The following CCNY variants were observed in gnomAD, a reference collection of about 807,000 sequenced individuals.
CCNY encodes cyclin Y.
In CCNY, 19 loss-of-function variants were observed where a neutral mutation model predicts 42.8. That is an observed-to-expected ratio of 0.44 (90% confidence interval 0.31 to 0.65). The LOEUF (loss-of-function observed/expected upper bound fraction) is 0.65, where lower values mean the gene tolerates loss of function less well. Among genes scored for constraint, CCNY ranks in the 30% least tolerant of loss-of-function variants. CCNY has a pLI of 0.07. For synonymous variants in CCNY, 165 were observed against 162.7 expected, an observed-to-expected ratio of 1.01 and a Z score of -0.11; for missense variants, 370 against 437.3, an observed-to-expected ratio of 0.85 and a Z score of 1.37.
At chr10:35,545,643 C>G (rs1050067468) in intron 7 of CCNY, among the ~76,000 whole-genome samples, 2 of 152,114 alleles carry the variant, frequency 1.3e-5, no homozygotes, top group African/African-American at 4.8e-5. Flanking sequence ...GGGGTTAGGA[C>G]TTCAACATAT....
chr10:35,298,006 G>GA lies in CCNY; in HGVS notation c.-9+47393dup, dbSNP rs56705492. ...GAAAAAACTATTTAGAAGTTCTTATGAAAAAAAAAAAAAGAGCCTGAATAG... is the reference window on the plus strand; with the variant it reads ...GAAAAAACTATTTAGAAGTTCTTATGAAAAAAAAAAAAAAGAGCCTGAATAG... On this transcript the variant is annotated intron_variant, in intron 3 of 11. Transcript: ENST00000374706. 2.8e-3 allele frequency among the ~76,000 whole-genome samples: 364 copies of GA among 128,736 alleles called. 1 individual carries two copies. Among genetic ancestry groups the GA allele is most frequent in the South Asian group, 5.6e-3 (23 of 4,094 alleles). 84.5% of individuals were successfully genotyped at this position (128,736 alleles called of 152,430 possible).
At chr10:35,493,558 A>T (rs1465511748) in intron 2 of CCNY, among the ~76,000 whole-genome samples, 1 of 152,204 alleles carries the variant, frequency 6.6e-6, no homozygotes, top group African/African-American at 2.4e-5. Flanking sequence ...GCTGAATTTC[A>T]GGATAATCTG....
At chr10:35,501,812 G>A (rs1054856258) in intron 3 of CCNY, among the ~76,000 whole-genome samples, 16 of 152,190 alleles carry the variant, frequency 1.1e-4, no homozygotes, top group African/African-American at 3.6e-4. Context: ...AAGTCCAAGC[G>A]AAAGCCACTT....
chr10:35,466,885 G>C (rs1442439817), intron 1 of CCNY, among the ~76,000 whole-genome samples: 1 of 152,238 alleles, frequency 6.6e-6, no homozygotes, highest in Non-Finnish European at 1.5e-5. Flanking sequence ...CGATCCTCCT[G>C]CCCCAGCCTC....
At chr10:35,526,167 T>G (rs1266228781) in intron 5 of CCNY, among the ~76,000 whole-genome samples, 168 bp downstream of exon 5, 4 of 152,218 alleles carry the variant, frequency 2.6e-5, no homozygotes, top group African/African-American at 9.6e-5. Flanking sequence ...AGGTAAGTGC[T>G]GAACTGCTTT....
chr10:35,394,218 G>A (rs1411221903), intron 1 of CCNY, among the ~76,000 whole-genome samples: 1 of 152,202 alleles, frequency 6.6e-6, no homozygotes, highest in Non-Finnish European at 1.5e-5. Flanking sequence ...CCATTTGGCT[G>A]TTTTCTGATT....
chr10:35,386,159 C>T (rs116395988), intron 1 of CCNY, among the ~76,000 whole-genome samples: 1,680 of 152,302 alleles, frequency 0.011, 41 homozygotes, highest in African/African-American at 0.039. Context: ...GGATGCTTAA[C>T]TTGGGGCCGG....
intron 1 of CCNY, among the ~76,000 whole-genome samples, chr10:35,395,237 G>A (rs777163724): frequency 7.9e-5 from 12 of 152,204 alleles, no homozygotes; most frequent in African/African-American, 1.7e-4. Flanking sequence ...CTCAGGAAAA[G>A]CTATGTGTTG....
chr10:35,553,697 C>G (rs937478113), intron 8 of CCNY, among the ~76,000 whole-genome samples: 1 of 152,204 alleles, frequency 6.6e-6, no homozygotes, highest in South Asian at 2.1e-4. Flanking sequence ...AGCCTCGTGT[C>G]CCTGGGGCTC....
At chr10:35,404,025 GC>G (rs1837702971) in intron 1 of CCNY, among the ~76,000 whole-genome samples, 1 of 148,452 alleles carries the variant, frequency 6.7e-6, no homozygotes, top group African/African-American at 2.5e-5. Flanking sequence ...TGAAGTCCAG[GC>G]CAGGAACAAT....
intron 3 of CCNY, among the ~76,000 whole-genome samples, chr10:35,329,804 CCTGA>C (rs1835922113): frequency 6.6e-6 from 1 of 152,066 alleles, no homozygotes; most frequent in Admixed American, 6.6e-5. Flanking sequence ...AGCAGGCCAA[CCTGA>C]CTGTCAGGTG....
chr10:35,328,595 A>C (rs114590235), intron 3 of CCNY, among the ~76,000 whole-genome samples: 1,680 of 152,330 alleles, frequency 0.011, 42 homozygotes, highest in African/African-American at 0.039. Flanking sequence ...ATATTACATC[A>C]TGGAGAAACA....
At chr10:35,413,760 T>C (rs1430452591) in intron 1 of CCNY, among the ~76,000 whole-genome samples, 2 of 152,144 alleles carry the variant, frequency 1.3e-5, no homozygotes, top group Non-Finnish European at 2.9e-5. Flanking sequence ...CCCAGCACCA[T>C]GGCTATGGGA....
chr10:35,393,265 T>C (rs1422018831), intron 1 of CCNY, among the ~76,000 whole-genome samples: 1 of 152,210 alleles, frequency 6.6e-6, no homozygotes, highest in Admixed American at 6.5e-5. Context: ...TTGAATTGAC[T>C]TGAGGAAAGA....
At chr10:35,563,746 G>T (rs1841511015) in intron 8 of CCNY, among the ~76,000 whole-genome samples, 1 of 152,114 alleles carries the variant, frequency 6.6e-6, no homozygotes, top group Non-Finnish European at 1.5e-5. Flanking sequence ...CGCTCTCGTT[G>T]CCCAGGCTGG....
At chr10:35,279,079 C>T (rs1424598057) in intron 3 of CCNY, among the ~76,000 whole-genome samples, 1 of 151,290 alleles carries the variant, frequency 6.6e-6, no homozygotes, top group Non-Finnish European at 1.5e-5. Flanking sequence ...AAACAACAAG[C>T]CAAAATGAAA....
chr10:35,269,599 C>A (rs908152501), intron 3 of CCNY, among the ~76,000 whole-genome samples: 2 of 151,220 alleles, frequency 1.3e-5, no homozygotes, highest in African/African-American at 2.4e-5. Flanking sequence ...GCCGCTGTGC[C>A]CAGCCAAGTT....
At chr10:35,475,368 A>C (rs1422365395) in intron 1 of CCNY, among the ~76,000 whole-genome samples, 2 of 152,200 alleles carry the variant, frequency 1.3e-5, no homozygotes, top group African/African-American at 4.8e-5. Flanking sequence ...GAAGGAAAAA[A>C]TGTTAAGGGC....
At chr10:35,438,921 T>G (rs1838602614) in intron 1 of CCNY, among the ~76,000 whole-genome samples, 2 of 152,206 alleles carry the variant, frequency 1.3e-5, no homozygotes, top group Admixed American at 1.3e-4. Flanking sequence ...ATGATATTTT[T>G]GCTGATACAG....
Sources: allele counts gnomAD v4.1 joint callset (sites outside exome capture counted in the v4.1 genomes callset), GRCh38; gene constraint gnomAD v4.1.1; transcripts MANE v1.5; gene names NCBI Gene and HGNC (gene_info 2026-07-23, HGNC 2026-07-21).